The following PLEKHG1 variants were observed in gnomAD, a reference collection of about 807,000 sequenced individuals.
The protein encoded by PLEKHG1 is pleckstrin homology and RhoGEF domain containing G1, also known as pleckstrin homology domain-containing family G member 1.
A neutral mutation model predicts 100.8 loss-of-function variants in PLEKHG1; 44 were observed. The ratio of observed to expected loss-of-function variants is 0.44; its 90% CI spans 0.34 to 0.56. The LOEUF (loss-of-function observed/expected upper bound fraction) is 0.56, where lower values mean the gene tolerates loss of function less well. Among genes scored for constraint, PLEKHG1 ranks in the 20% least tolerant of loss-of-function variants. PLEKHG1 has a pLI of 0.01. For synonymous variants in PLEKHG1, 640 were observed against 662.5 expected (o/e 0.97, Z 0.52); for missense variants, 1,545 against 1,720.9 (o/e 0.90, Z 1.81).
chr6:150,694,011 A>G (rs898255618), intron 3 of PLEKHG1, among the ~76,000 whole-genome samples: 9 of 152,200 alleles, frequency 5.9e-5, no homozygotes, highest in Non-Finnish European at 1.3e-4. Context: ...TCATCTTTGT[A>G]TATGCTTCTG....
intron 3 of PLEKHG1, among the ~76,000 whole-genome samples, chr6:150,676,566 C>A (rs1180535810): frequency 1.3e-5 from 2 of 152,238 alleles, no homozygotes; most frequent in East Asian, 3.9e-4. Context: ...TCCTTCCTGG[C>A]AGTTTATCCC....
chr6:150,669,076 G>C (rs1008903049), intron 3 of PLEKHG1, among the ~76,000 whole-genome samples: 1 of 151,996 alleles, frequency 6.6e-6, no homozygotes, highest in African/African-American at 2.4e-5. Flanking sequence ...ACTTAGTTCT[G>C]AGGAAAGCCT....
intron 3 of PLEKHG1, among the ~76,000 whole-genome samples, chr6:150,671,594 A>T (rs530944989): frequency 2.0e-5 from 3 of 152,334 alleles, no homozygotes; most frequent in African/African-American, 7.2e-5. Flanking sequence ...CAGTGCTTAC[A>T]TTGGTAGTGA....
chr6:150,677,569 G>A (rs1166403897), intron 3 of PLEKHG1, among the ~76,000 whole-genome samples: 2 of 152,010 alleles, frequency 1.3e-5, no homozygotes, highest in African/African-American at 4.8e-5. Context: ...TCAGTTGGGG[G>A]CCCACTTATG....
At position 150,616,922 on chromosome 6, in the gene PLEKHG1, T is replaced by C. The variant is rs150835217; in HGVS notation, c.-204+16905T>C. On this transcript the variant is annotated intron_variant, in intron 1 of 3. Transcript: ENST00000367326. ...AATCTATAAAAATCACTGGTAAATG[T>C]TGAAGTTCTAGAATTATGACCTCAA... 5.0e-3 allele frequency among the ~76,000 whole-genome samples: 760 copies of C among 152,340 alleles called. 7 individuals carry two copies. Among genetic ancestry groups the C allele is most frequent in the African/African-American group, 0.018 (731 of 41,578 alleles).
At chr6:150,749,042 T>C (rs1367534657) in intron 2 of PLEKHG1, among the ~76,000 whole-genome samples, 1 of 152,192 alleles carries the variant, frequency 6.6e-6, no homozygotes, top group Non-Finnish European at 1.5e-5. Flanking sequence ...CATGAAGTGA[T>C]TAGCACCGAC....
chr6:150,724,792 C>T (rs1229028335), intron 1 of PLEKHG1, among the ~76,000 whole-genome samples: 1 of 152,144 alleles, frequency 6.6e-6, no homozygotes, highest in African/African-American at 2.4e-5. Context: ...AACTCCTGAC[C>T]TCAGGTGATT....
At chr6:150,768,642 A>G in exon 3 of PLEKHG1, 1 of 1,596,388 alleles carries the variant, frequency 6.3e-7, no homozygotes, top group East Asian at 2.2e-5. Context: ...TCACAGGATT[A>G]CCTTGACTGC....
chr6:150,804,175 A>ATATATATTTT (rs1173213745), intron 6 of PLEKHG1, among the ~76,000 whole-genome samples: 1 of 43,174 alleles, frequency 2.3e-5, no homozygotes, highest in African/African-American at 9.9e-5. Context: ...ATATATATAT[A>ATATATATTTT]TTTTTTTTTT....
At chr6:150,681,484 CAG>C (rs1312229722) in intron 3 of PLEKHG1, among the ~76,000 whole-genome samples, 1 of 146,224 alleles carries the variant, frequency 6.8e-6, no homozygotes, top group East Asian at 2.0e-4. Context: ...TGCCTGGCGA[CAG>C]AGCGTGACTC....
At chr6:150,783,372 C>T (rs1472788081) in intron 3 of PLEKHG1, among the ~76,000 whole-genome samples, 2 of 138,900 alleles carry the variant, frequency 1.4e-5, no homozygotes, top group African/African-American at 2.6e-5. Flanking sequence ...AGAGATTCTT[C>T]TTTTTTTTTT....
In PLEKHG1 at chr6:150,805,264, C is replaced by T. The variant is rs571544027; in HGVS notation, c.912+523C>T. Reference sequence around the variant, plus strand: ...TTATAACTTTTAAGCTAATTGTTTGCTTATAGCCCCTTTGATGGTCTAAGT... The same window carrying T: ...TTATAACTTTTAAGCTAATTGTTTGTTTATAGCCCCTTTGATGGTCTAAGT... On this transcript the variant is annotated intron_variant, in intron 7 of 15. Coordinates refer to ENST00000358517, the Ensembl canonical transcript of PLEKHG1. Among the ~76,000 whole-genome samples the T allele has an allele frequency of 4.6e-5, 7 of 152,280 alleles. No homozygotes were observed. The South Asian group carries it at 1.2e-3, about 27-fold the overall frequency.
intron 3 of PLEKHG1, among the ~76,000 whole-genome samples, chr6:150,678,866 A>G (rs1779845000): frequency 6.6e-6 from 1 of 152,246 alleles, no homozygotes; most frequent in Non-Finnish European, 1.5e-5. Flanking sequence ...ATTTTTAAAT[A>G]TGATTAGAAA....
intron 2 of PLEKHG1, among the ~76,000 whole-genome samples, chr6:150,736,907 A>G (rs9478132): frequency 0.92 from 140,080 of 152,234 alleles, 64,570 homozygotes; most frequent in Non-Finnish European, 0.93. Flanking sequence ...GAAATCTGAG[A>G]TGGAAATTAG....
At chr6:150,821,959 A>G (rs1383570735) in intron 13 of PLEKHG1, among the ~76,000 whole-genome samples, 5 of 150,582 alleles carry the variant, frequency 3.3e-5, no homozygotes, top group Non-Finnish European at 7.4e-5. Context: ...CTCCTGCCTC[A>G]GCCTCCCGAG....
intron 3 of PLEKHG1, among the ~76,000 whole-genome samples, chr6:150,692,663 G>A (rs532848158): frequency 1.3e-5 from 2 of 152,298 alleles, no homozygotes; most frequent in East Asian, 1.9e-4. Flanking sequence ...TAATTTTAAG[G>A]GAGAGTATAG....
intron 15 of PLEKHG1, among the ~76,000 whole-genome samples, chr6:150,834,382 T>G (rs1039304285): frequency 6.6e-6 from 1 of 152,156 alleles, no homozygotes; most frequent in Admixed American, 6.5e-5. Context: ...TGACTAAGTC[T>G]GGGTTGGGGC....
chr6:150,839,420 G>A (rs541956527), intron 15 of PLEKHG1, among the ~76,000 whole-genome samples: 12 of 152,248 alleles, frequency 7.9e-5, no homozygotes, highest in African/African-American at 2.9e-4. Flanking sequence ...CCAGCCCTGC[G>A]ATGCTGCTTT....
chr6:150,786,453 G>A (rs376130061), exon 4 of PLEKHG1: 1 of 1,609,878 alleles, frequency 6.2e-7, no homozygotes, highest in Non-Finnish European at 8.5e-7. Context: ...AGTGTTTTGT[G>A]TCCAAGGTAA....
Sources: allele counts gnomAD v4.1 joint callset (sites outside exome capture counted in the v4.1 genomes callset), GRCh38; gene constraint gnomAD v4.1.1; transcripts MANE v1.5; gene names NCBI Gene and HGNC (gene_info 2026-07-23, HGNC 2026-07-21).